PRPH2: variants seen among roughly 807,000 people sequenced by gnomAD.
The protein encoded by PRPH2 is peripherin 2.
In PRPH2, 17 loss-of-function variants were observed where a neutral mutation model predicts 31.3. That is an observed-to-expected ratio of 0.54 (90% confidence interval 0.37 to 0.81). PRPH2 has a LOEUF of 0.81. PRPH2 is among the 40% of genes least tolerant of loss of function. The probability of loss-of-function intolerance (pLI) is 0.00; values close to 1 mark genes in which losing one functional copy is unlikely to be tolerated. For missense variants in PRPH2, 430 were observed against 439.7 expected, an observed-to-expected ratio of 0.98 and a Z score of 0.20; for synonymous variants, 165 against 184.4, an observed-to-expected ratio of 0.89 and a Z score of 0.85.
intron 2 of PRPH2, among the ~76,000 whole-genome samples, chr6:42,703,860 G>A (rs148439983): frequency 2.0e-5 from 3 of 152,116 alleles, no homozygotes; most frequent in South Asian, 2.1e-4. Context: ...CCCAGACTTC[G>A]GGAGGCCGAG....
chr6:42,700,979 TTTTC>T (rs1304583073), intron 2 of PRPH2, among the ~76,000 whole-genome samples: 3 of 135,718 alleles, frequency 2.2e-5, no homozygotes, highest in East Asian at 2.1e-4. Flanking sequence ...TCCCACTGAC[TTTTC>T]TTTCTTTTTT....
intron 1 of PRPH2, among the ~76,000 whole-genome samples, chr6:42,711,096 C>T (rs1336195038): frequency 2.6e-5 from 4 of 152,086 alleles, no homozygotes; most frequent in Non-Finnish European, 4.4e-5. Flanking sequence ...GTGTTGGAAA[C>T]GTGAGGCCCA....
intron 1 of PRPH2, among the ~76,000 whole-genome samples, chr6:42,708,847 T>C (rs1290068100): frequency 6.6e-6 from 1 of 152,108 alleles, no homozygotes; most frequent in East Asian, 1.9e-4. Context: ...TCTCAGGGGT[T>C]ATGGGGGATA....
chr6:42,703,064 A>C (rs184160228), intron 2 of PRPH2, among the ~76,000 whole-genome samples: 1 of 151,432 alleles, frequency 6.6e-6, no homozygotes, highest in Admixed American at 6.6e-5. Context: ...GCTACTCTGC[A>C]TGTGCCTATA....
At chr6:42,719,341 A>G (rs540334129) in intron 1 of PRPH2, among the ~76,000 whole-genome samples, 36 of 150,578 alleles carry the variant, frequency 2.4e-4, no homozygotes, top group Non-Finnish European at 4.9e-4. Context: ...CACCCAGCTA[A>G]TTTTCTGTAT....
intron 1 of PRPH2, among the ~76,000 whole-genome samples, chr6:42,706,851 C>T (rs1023992003): frequency 2.0e-5 from 3 of 152,074 alleles, no homozygotes; most frequent in Non-Finnish European, 2.9e-5. Context: ...CAGAGAGAGG[C>T]TTCATGCATG....
chr6:42,711,419 C>G (rs1214269767), intron 1 of PRPH2, among the ~76,000 whole-genome samples: 1 of 152,160 alleles, frequency 6.6e-6, no homozygotes, highest in Non-Finnish European at 1.5e-5. Flanking sequence ...GAGACACAGC[C>G]CCGTCCTCAG....
At chr6:42,720,479 C>T (rs1350682799) in intron 1 of PRPH2, among the ~76,000 whole-genome samples, 2 of 152,100 alleles carry the variant, frequency 1.3e-5, no homozygotes, top group Non-Finnish European at 1.5e-5. Flanking sequence ...AAGGGCACAG[C>T]CCTTTACAAT....
intron 1 of PRPH2, among the ~76,000 whole-genome samples, chr6:42,718,837 C>CT (rs890124466): frequency 1.9e-4 from 28 of 150,512 alleles, no homozygotes; most frequent in East Asian, 3.9e-4. Flanking sequence ...ATGTTTTGGG[C>CT]TTTTTTTTTA....
chr6:42,713,250 C>T (rs1761709047), intron 1 of PRPH2, among the ~76,000 whole-genome samples: 1 of 151,522 alleles, frequency 6.6e-6, no homozygotes, highest in Non-Finnish European at 1.5e-5. Context: ...GAAAGAACTA[C>T]AAATCTCTTT....
At chr6:42,718,441 C>T (rs757826650) in intron 1 of PRPH2, among the ~76,000 whole-genome samples, 4 of 151,920 alleles carry the variant, frequency 2.6e-5, no homozygotes, top group African/African-American at 7.3e-5. Flanking sequence ...GCACTCCAGC[C>T]TGGGCAATAG....
intron 1 of PRPH2, among the ~76,000 whole-genome samples, chr6:42,718,652 A>AT (rs557579762): frequency 2.1e-3 from 307 of 149,214 alleles, no homozygotes; most frequent in East Asian, 3.3e-3. Context: ...TAATTCATAT[A>AT]TTTTTTTTTT....
chr6:42,709,344 A>AAAAAAAC lies in PRPH2; in HGVS notation c.582-4734_582-4733insGTTTTTT, dbSNP rs1554269597. 1.7e-3 allele frequency among the ~76,000 whole-genome samples: 245 copies of AAAAAAAC among 144,150 alleles called. 3 individuals carry two copies. The highest frequency in any genetic ancestry group is 3.6e-3 in the Middle Eastern group (1 of 276). The allele number at this position is 144,150 out of a possible 152,430, so 94.6% of individuals were successfully genotyped here. A position where few individuals can be genotyped will look rare whatever the true frequency, so the allele number is the denominator to read the frequency against. ...GACTCTGTCTCAAATTAAAAAAAAA[A>AAAAAAAC]AAAAAAAAAAACTTGGGTCCAGCCC... is the stretch of plus-strand genomic sequence containing the variant. On this transcript the variant is annotated intron_variant, in intron 1 of 2. Coordinates refer to ENST00000230381, the MANE Select transcript of PRPH2 (RefSeq NM_000322.5).
In PRPH2 at chr6:42,710,051, C is replaced by T. The variant is rs548977488; in HGVS notation, c.582-5440G>A. 4.6e-5 allele frequency among the ~76,000 whole-genome samples: 7 copies of T among 152,194 alleles called. No individual in the cohort carries two copies. The South Asian group carries it at 6.2e-4, about 14-fold the overall frequency. On this transcript the variant is annotated intron_variant, in intron 1 of 2. Transcript: ENST00000230381. ...GCAGGCTGGGCTTGCGGACATTCCC[C>T]GTCTCCCCACCTCGCCTCCCTGAGC... is the stretch of plus-strand genomic sequence containing the variant.
At chr6:42,701,482 C>T (rs1362412133) in intron 2 of PRPH2, among the ~76,000 whole-genome samples, 1 of 151,362 alleles carries the variant, frequency 6.6e-6, no homozygotes, top group Non-Finnish European at 1.5e-5. Flanking sequence ...CTGGTCTAAA[C>T]TCCTGGGCTC....
intron 1 of PRPH2, among the ~76,000 whole-genome samples, chr6:42,716,962 C>CTTT (rs1161769235): frequency 1.3e-3 from 59 of 45,192 alleles, no homozygotes; most frequent in African/African-American, 3.5e-3. Context: ...TCTTTCTTTT[C>CTTT]TTTTTTTTTT....
intron 1 of PRPH2, among the ~76,000 whole-genome samples, chr6:42,721,269 C>T (rs533926189): frequency 3.2e-4 from 49 of 152,340 alleles, no homozygotes; most frequent in Admixed American, 1.5e-3. Flanking sequence ...TCCAGACAAA[C>T]ATCTTGGGAA....
At position 42,697,810 on chromosome 6, in the gene PRPH2, T is replaced by TTA. The variant is rs2152003609; in HGVS notation, c.*484_*485insTA. The TTA allele has an allele frequency of 7.0e-6, 1 of 143,618 alleles. No homozygotes were observed. Among genetic ancestry groups the TTA allele is most frequent in the African/African-American group, 2.6e-5 (1 of 38,046 alleles). The allele number at this position is 143,618 out of a possible 1,614,324, so 8.9% of individuals were successfully genotyped here. ...ACGGCCAACCTGTCAATCTTGGCAT[T>TTA]AAAAAAAAAAAAAAAAGACAACATG... On this transcript the variant is annotated 3_prime_UTR_variant, in exon 3 of 3. Transcript: ENST00000230381.
intron 1 of PRPH2, among the ~76,000 whole-genome samples, chr6:42,705,485 G>A (rs1057347504): frequency 6.7e-6 from 1 of 149,434 alleles, no homozygotes; most frequent in African/African-American, 2.5e-5. Context: ...CACTTTGTAA[G>A]GCCGAGGCGG....
Sources: gnomAD v4.1 joint callset for allele counts (sites outside exome capture counted in the v4.1 genomes callset) on GRCh38, gnomAD v4.1.1 for gene constraint, MANE v1.5 for transcripts, NCBI Gene and HGNC (gene_info 2026-07-23, HGNC 2026-07-21) for gene names.